FSD2: variants seen among roughly 807,000 people sequenced by gnomAD.
The protein encoded by FSD2 is fibronectin type III and SPRY domain-containing protein 2.
FSD2 carries 71 observed loss-of-function variants against 80.4 expected under a neutral mutation model. The ratio of observed to expected loss-of-function variants is 0.88; its 90% CI spans 0.73 to 1.08. The LOEUF is 1.08. Ranked by LOEUF, FSD2 falls within the 50% of genes least tolerant of loss-of-function variation. The pLI is 0.00. For synonymous variants in FSD2, 361 were observed against 329.5 expected, an observed-to-expected ratio of 1.10 and a Z score of -1.03; for missense variants, 923 against 913.8, an observed-to-expected ratio of 1.01 and a Z score of -0.13.
In FSD2 at chr15:82,787,084, AT is replaced by A; in HGVS notation, c.306del (p.Glu102AspfsTer6). 2 of 1,614,006 alleles carry A rather than the reference AT, an allele frequency of 1.2e-6. No homozygotes were observed. The highest frequency in any genetic ancestry group is 1.7e-6 in the Non-Finnish European group (2 of 1,179,886). On this transcript the variant is annotated frameshift_variant, in exon 2 of 13. Coordinates refer to ENST00000334574, the MANE Select transcript of FSD2 (RefSeq NM_001007122.4). LOFTEE classifies it high-confidence loss of function. ...DENIPRTGVS[E>X]YPPYMMKRRD... is the part of the protein sequence containing the mutation. Reference sequence around the variant, plus strand: ...CTCCTCTTCATCATATAAGGAGGATATTCTGAAACCCCTGTTCTGGGTATGT... The same window carrying A: ...CTCCTCTTCATCATATAAGGAGGATATCTGAAACCCCTGTTCTGGGTATGT...
At chr15:82,769,949 C>T in intron 7 of FSD2, 65 bp from the exon 8 acceptor site, 25 of 1,586,374 alleles carry the variant, frequency 1.6e-5, no homozygotes, top group Non-Finnish European at 2.1e-5. Flanking sequence ...ATTCATTATG[C>T]CGAATCCCAC....
At chr15:82,760,977 T>A (rs916855152) in intron 12 of FSD2, among the ~76,000 whole-genome samples, 7 of 152,106 alleles carry the variant, frequency 4.6e-5, no homozygotes, top group African/African-American at 1.7e-4. Context: ...CTCTTTAGTC[T>A]TACTTCAGGC....
rs935143013 is a variant in FSD2 at position 82,782,239 on chromosome 15, C to CA, written c.966+555dup. Among the ~76,000 whole-genome samples the CA allele has an allele frequency of 5.8e-3, 707 of 122,046 alleles. 5 individuals are homozygous for CA. Among genetic ancestry groups the CA allele is most frequent in the Non-Finnish European group, 8.3e-3 (468 of 56,386 alleles). The allele number at this position is 122,046 out of a possible 152,430, so 80.1% of individuals were successfully genotyped here. On this transcript the variant is annotated intron_variant, in intron 4 of 12. Coordinates refer to ENST00000334574, the MANE Select transcript of FSD2 (RefSeq NM_001007122.4). ...TGAAACCCCGTCTCTACTAAAAATA[C>CA]AAAAAAAAAAATTAGCTGGGCTTGG... is the stretch of plus-strand genomic sequence containing the variant.
rs2049520156 is a variant in FSD2 at position 82,769,840 on chromosome 15, G to C, written c.1312C>G (p.Leu438Val). The change falls in exon 8 of 13, where the codon CTT becomes GTT. Residue 438 changes from leucine (L) to valine (V), a missense_variant. Transcript: ENST00000334574. ...AATTCATACTGGGTATTTGGCACAA[G>C]GTTTGTCACTGAGCAATATGTTTCT... ...VKETYCSVTNLVPNTQYEFWV... is the reference protein window; with the variant it reads ...VKETYCSVTNVVPNTQYEFWV... The C allele has an allele frequency of 1.2e-6, 2 of 1,613,936 alleles. No individual in the cohort carries two copies. The highest frequency in any genetic ancestry group is 1.7e-6 in the Non-Finnish European group (2 of 1,179,892).
At chr15:82,765,121 T>G in intron 11 of FSD2, 45 bp downstream of exon 11, 4 of 1,554,362 alleles carry the variant, frequency 2.6e-6, no homozygotes, top group Non-Finnish European at 3.5e-6. Context: ...ACAGTGCACC[T>G]TCGGGAAGTT....
intron 5 of FSD2, 92 bp downstream of exon 5, chr15:82,780,153 G>T: frequency 1.1e-6 from 1 of 877,312 alleles, no homozygotes; most frequent in Non-Finnish European, 1.8e-6. Flanking sequence ...AGCTGAAACT[G>T]GAACCGTATA....
intron 1 of FSD2, among the ~76,000 whole-genome samples, chr15:82,794,959 C>G (rs910340972): frequency 6.6e-6 from 1 of 152,090 alleles, no homozygotes; most frequent in African/African-American, 2.4e-5. Flanking sequence ...CTCCTGACCT[C>G]GTGATCTGCC....
Position 82,778,708 on chromosome 15 carries a change from A to G in FSD2, c.1111+58T>C, listed in dbSNP as rs562359201. On this transcript the variant is annotated intron_variant, in intron 6 of 12. Coordinates refer to ENST00000334574, the MANE Select transcript of FSD2 (RefSeq NM_001007122.4). ...TCATGCTAAGTGTTCTCATCACAAG[A>G]AAGAAAAAAGCTCTGGGTAGTCTGA... The G allele has an allele frequency of 1.7e-4, 255 of 1,524,558 alleles. No individual in the cohort carries two copies. The African/African-American group carries it at 3.2e-3, about 19-fold the overall frequency. The allele number at this position is 1,524,558 out of a possible 1,614,324, so 94.4% of individuals were successfully genotyped here.
intron 3 of FSD2, among the ~76,000 whole-genome samples, chr15:82,786,190 A>T (rs2049991439): frequency 6.6e-6 from 1 of 152,190 alleles, no homozygotes. Flanking sequence ...TTTCTACCTT[A>T]TTTACTCATG....
Position 82,787,558 on chromosome 15 carries a change from T to C in FSD2, c.-78-90A>G. ...ATTGGGCTCTACTCATATAAAACTT[T>C]AAAAAAATTATCTGTGTAGTTCAGT... On this transcript the variant is annotated intron_variant, in intron 1 of 12. Coordinates refer to ENST00000334574, the MANE Select transcript of FSD2 (RefSeq NM_001007122.4). 5.1e-6 allele frequency: 3 copies of C among 583,210 alleles called. No homozygotes were observed. The Admixed American group carries it at 1.1e-4, about 21-fold the overall frequency. The allele number at this position is 583,210 out of a possible 1,614,324, so 36.1% of individuals were successfully genotyped here.
chr15:82,797,617 T>G (rs1382802418), intron 1 of FSD2, among the ~76,000 whole-genome samples: 4 of 152,174 alleles, frequency 2.6e-5, no homozygotes, highest in Non-Finnish European at 5.9e-5. Context: ...GAAACCGTCC[T>G]GGCTAACACG....
intron 1 of FSD2, among the ~76,000 whole-genome samples, chr15:82,798,343 A>G (rs12907913): frequency 0.5 from 76,555 of 151,866 alleles, 19,325 homozygotes; most frequent in Admixed American, 0.53. Context: ...AGACCCTGTC[A>G]GAAGATAGAA....
chr15:82,779,020 G>T, intron 5 of FSD2, 133 bp from the exon 6 acceptor site: 1 of 1,073,934 alleles, frequency 9.3e-7, no homozygotes, highest in Non-Finnish European at 1.3e-6. Context: ...AACAGCTGCT[G>T]GCTGCCATCT....
intron 11 of FSD2, 113 bp downstream of exon 11, chr15:82,765,053 G>A: frequency 7.8e-7 from 1 of 1,280,748 alleles, no homozygotes; most frequent in Non-Finnish European, 1.1e-6. Flanking sequence ...TCACTCATTT[G>A]TAGGATTCCT....
Position 82,786,894 on chromosome 15 carries a change from ATGACATAGCATT to A in FSD2, c.485_496del (p.Glu162_Ile166delinsVal). ...TTCTTCTTCATCCTCTTCCTCGGGGATGACATAGCATTCATACTCCTCGCTGGCACGGCCGTG... is the reference window on the plus strand; with the variant it reads ...TTCTTCTTCATCCTCTTCCTCGGGGACATACTCCTCGCTGGCACGGCCGTG... On this transcript the variant is annotated inframe_deletion, in exon 2 of 13. Transcript: ENST00000334574. 9 of 1,613,930 alleles carry A rather than the reference ATGACATAGCATT, an allele frequency of 5.6e-6. No homozygotes were observed. Among genetic ancestry groups the A allele is most frequent in the Non-Finnish European group, 6.8e-6 (8 of 1,179,892 alleles).
At chr15:82,761,024 T>TA (rs1555475197) in intron 12 of FSD2, among the ~76,000 whole-genome samples, 2 of 152,238 alleles carry the variant, frequency 1.3e-5, no homozygotes, top group Non-Finnish European at 2.9e-5. Context: ...CAGTGTATAG[T>TA]AATTCTTGGA....
intron 1 of FSD2, chr15:82,796,427 C>G (rs1251403906): frequency 2.6e-5 from 4 of 153,844 alleles, no homozygotes; most frequent in Non-Finnish European, 5.9e-5. Flanking sequence ...GGCAGGTGAG[C>G]TGAAGAAGTT....
At chr15:82,784,790 G>A (rs1357006382) in intron 3 of FSD2, among the ~76,000 whole-genome samples, 1 of 152,136 alleles carries the variant, frequency 6.6e-6, no homozygotes. Flanking sequence ...TAGAAGTAGA[G>A]CATCCGCATG....
chr15:82,790,898 T>C (rs1596257409), intron 1 of FSD2, among the ~76,000 whole-genome samples: 1 of 151,440 alleles, frequency 6.6e-6, no homozygotes. Context: ...TGTGTTTTAT[T>C]AATTCTTTTT....
Sources: gnomAD v4.1 joint callset for allele counts (sites outside exome capture counted in the v4.1 genomes callset) on GRCh38, gnomAD v4.1.1 for gene constraint, MANE v1.5 for transcripts, NCBI Gene and HGNC (gene_info 2026-07-23, HGNC 2026-07-21) for gene names.